The following CDH23 variants were observed in gnomAD, a reference collection of about 807,000 sequenced individuals.
CDH23 encodes the protein cadherin related 23.
In CDH23, 189 loss-of-function variants were observed where a neutral mutation model predicts 317.1. That is an observed-to-expected ratio of 0.60 (90% confidence interval 0.53 to 0.67). The LOEUF is 0.67. Ranked by LOEUF, CDH23 falls within the 30% of genes least tolerant of loss-of-function variation. CDH23 has a pLI of 0.00. For missense variants in CDH23, 4,401 were observed against 4,592.4 expected (o/e 0.96, Z 1.20); for synonymous variants, 1,839 against 1,876.8 (o/e 0.98, Z 0.52).
chr10:71,702,354 T>A, intron 23 of CDH23, 143 bp downstream of exon 23: 2 of 1,149,848 alleles, frequency 1.7e-6, no homozygotes, highest in Admixed American at 2.0e-5. Context: ...GCCCCAGTTG[T>A]GACTCCTAGA....
intron 28 of CDH23, among the ~76,000 whole-genome samples, chr10:71,719,993 G>T (rs973475941): frequency 6.6e-6 from 1 of 152,230 alleles, no homozygotes; most frequent in Non-Finnish European, 1.5e-5. Flanking sequence ...AGACTCTGGG[G>T]AGACGCAGGG....
intron 24 of CDH23, 63 bp from the exon 25 acceptor site, chr10:71,704,848 G>A: frequency 1.5e-6 from 2 of 1,292,766 alleles, no homozygotes; most frequent in Non-Finnish European, 2.2e-6. Flanking sequence ...AGCACTTCTT[G>A]GGGGAGAAGC....
chr10:71,420,871 C>T lies in CDH23; in HGVS notation c.-5-18956C>T, dbSNP rs567222151. The stretch of plus-strand genomic sequence containing the variant: ...AGCATTTCTCGGCACCACCCCCATC[C>T]GGAAGGTACCCCCCGTCGCCTGGCT... On this transcript the variant is annotated intron_variant, in intron 1 of 69. Coordinates refer to ENST00000224721, the MANE Select transcript of CDH23 (RefSeq NM_022124.6). Among the ~76,000 whole-genome samples, 317 of 152,158 alleles carry T rather than the reference C, an allele frequency of 2.1e-3. 1 individual carries two copies. The highest frequency in any genetic ancestry group is 2.1e-3 in the Non-Finnish European group (145 of 68,004).
At chr10:71,695,343 A>C (rs1050125455) in intron 21 of CDH23, 75 bp from the exon 22 acceptor site, 1 of 1,029,090 alleles carries the variant, frequency 9.7e-7, no homozygotes, top group Non-Finnish European at 1.5e-6. Context: ...GCATCTGAGC[A>C]CTTTTCCCCT....
intron 17 of CDH23, among the ~76,000 whole-genome samples, chr10:71,680,813 T>TC (rs1864603777): frequency 7.3e-6 from 1 of 136,292 alleles, no homozygotes; most frequent in South Asian, 2.4e-4. Flanking sequence ...TGTCTTTCTT[T>TC]TTTTTTTTTC....
chr10:71,809,958 A>C lies in CDH23; in HGVS notation c.8861A>C (p.Asp2954Ala), dbSNP rs1564806640. The C allele has an allele frequency of 6.2e-7, 1 of 1,612,358 alleles. No homozygotes were observed. Among genetic ancestry groups the C allele is most frequent in the Non-Finnish European group, 8.5e-7 (1 of 1,179,870 alleles). ...AIIGIYILRD[D>A]QRVKIVINEI... ...ATCGGCATCTACATCCTGAGGGACG[A>C]CCAGCGCGTCAAGATCGTCATTAAC... Residue 2954 changes from aspartate (D) to alanine (A), a missense_variant, in exon 61 of 70, where the codon GAC becomes GCC. Asp to Ala is a moderately radical substitution (Grantham distance 126). Around this residue, in one of 3 missense-constraint regions of CDH23, gnomAD observed 1,144 missense variants for 1,138.2 expected, o/e 1.01. Transcript: ENST00000224721.
intron 7 of CDH23, among the ~76,000 whole-genome samples, chr10:71,570,565 G>GT (rs1857722541): frequency 1.3e-5 from 2 of 152,356 alleles, no homozygotes; most frequent in African/African-American, 4.8e-5. Flanking sequence ...TGCTGTTTGT[G>GT]TTTTCCTGTA....
chr10:71,451,297 A>G (rs73283722), intron 3 of CDH23, among the ~76,000 whole-genome samples: 4,397 of 152,184 alleles, frequency 0.029, 219 homozygotes, highest in African/African-American at 0.099. Context: ...TATCCCAGCC[A>G]TGGATGGCCC....
intron 30 of CDH23, among the ~76,000 whole-genome samples, chr10:71,727,251 C>T (rs766152487): frequency 1.3e-5 from 2 of 152,218 alleles, no homozygotes; most frequent in African/African-American, 2.4e-5. Flanking sequence ...TGGAGCCAGG[C>T]TTCATGCCTT....
Position 71,570,876 on chromosome 10 carries a change from C to A in CDH23, c.711C>A (p.Ile237=), listed in dbSNP as rs2132375325. Residue 237 remains isoleucine (I), a synonymous_variant, in exon 8 of 70, where the codon ATC becomes ATA. Coordinates refer to ENST00000224721, the MANE Select transcript of CDH23 (RefSeq NM_022124.6). ...TDVQDMDPIF[I]NLPYSTNIYE... The stretch of plus-strand genomic sequence containing the variant: ...TCCAGGACATGGACCCCATCTTCAT[C>A]AACCTGCCTTACAGCACCAACATCT... 6.2e-7 allele frequency: 1 copy of A among 1,614,036 alleles called. No homozygotes were observed. Among genetic ancestry groups the A allele is most frequent in the Non-Finnish European group, 8.5e-7 (1 of 1,179,892 alleles).
chr10:71,411,401 G>A (rs574667276), intron 1 of CDH23, among the ~76,000 whole-genome samples: 5 of 151,854 alleles, frequency 3.3e-5, no homozygotes, highest in Admixed American at 6.6e-5. Flanking sequence ...TAAGTAATTC[G>A]AAATTTTTTC....
chr10:71,428,482 T>C (rs1361284058), intron 1 of CDH23, among the ~76,000 whole-genome samples: 3 of 152,032 alleles, frequency 2.0e-5, no homozygotes, highest in Non-Finnish European at 4.4e-5. Flanking sequence ...ATAATAGCCA[T>C]TTTAGTGAGT....
chr10:71,633,375 C>T (rs932519401), intron 11 of CDH23, among the ~76,000 whole-genome samples: 4 of 152,104 alleles, frequency 2.6e-5, no homozygotes, highest in Admixed American at 6.5e-5. Context: ...TTTATCCCTT[C>T]GTCCATTCAC....
intron 38 of CDH23, among the ~76,000 whole-genome samples, chr10:71,754,763 T>G (rs1486906511): frequency 6.6e-6 from 1 of 152,160 alleles, no homozygotes; most frequent in East Asian, 1.9e-4. Flanking sequence ...TGAGAGCATT[T>G]TTATTATATG....
chr10:71,607,469 AC>A (rs1323450430), intron 9 of CDH23, among the ~76,000 whole-genome samples: 1 of 152,202 alleles, frequency 6.6e-6, no homozygotes. Flanking sequence ...ACTGAATAAG[AC>A]ATGCATACAA....
intron 47 of CDH23, 39 bp downstream of exon 47, chr10:71,791,374 G>A (rs778458102): frequency 2.2e-5 from 34 of 1,571,354 alleles, no homozygotes; most frequent in Middle Eastern, 1.7e-4. Context: ...ACAACCAGGG[G>A]CCGGTTGGTG....
At chr10:71,652,532 G>A (rs974217808) in intron 14 of CDH23, among the ~76,000 whole-genome samples, 2 of 152,200 alleles carry the variant, frequency 1.3e-5, no homozygotes, top group Non-Finnish European at 2.9e-5. Context: ...CAGCCCTTCG[G>A]CCTGTGGACA....
chr10:71,723,870 G>T (rs1276045008), intron 28 of CDH23, among the ~76,000 whole-genome samples, 175 bp from the exon 29 acceptor site: 1 of 152,148 alleles, frequency 6.6e-6, no homozygotes, highest in East Asian at 1.9e-4. Flanking sequence ...ATCCTCTTGG[G>T]GATTAGAAAG....
intron 9 of CDH23, among the ~76,000 whole-genome samples, chr10:71,586,422 A>T (rs79223177): frequency 0.019 from 2,935 of 152,312 alleles, 214 homozygotes; most frequent in East Asian, 0.18. Flanking sequence ...CCTCTGGTAC[A>T]CAGAATTGAT....
Sources: gnomAD v4.1 joint callset for allele counts (sites outside exome capture counted in the v4.1 genomes callset) on GRCh38, gnomAD v4.1.1 for gene constraint, gnomAD v4.1.1 regional missense constraint, MANE v1.5 for transcripts, NCBI Gene and HGNC (gene_info 2026-07-23, HGNC 2026-07-21) for gene names.